CD226: variants seen among roughly 807,000 people sequenced by gnomAD.
The protein encoded by CD226 is CD226 molecule.
Under a neutral mutation model 34.9 loss-of-function variants are expected in CD226, and 24 were observed. That is an observed-to-expected ratio of 0.69 (90% CI 0.50 to 0.97). CD226 has a LOEUF of 0.97. CD226 is among the 50% of genes least tolerant of loss of function. The probability of loss-of-function intolerance (pLI) is 0.00; values close to 1 mark genes in which losing one functional copy is unlikely to be tolerated. For missense variants in CD226, 397 were observed against 412.7 expected, an observed-to-expected ratio of 0.96 and a Z score of 0.33; for synonymous variants, 148 against 147.4, an observed-to-expected ratio of 1.00 and a Z score of -0.03.
At chr18:69,946,707 T>TAA (rs2055796987) in intron 2 of CD226, 27 bp downstream of exon 2, 2 of 1,466,370 alleles carry the variant, frequency 1.4e-6, no homozygotes, top group African/African-American at 1.5e-5. Context: ...AAAAAGGGAT[T>TAA]TAAAAAAAAA....
intron 2 of CD226, among the ~76,000 whole-genome samples, chr18:69,904,674 C>T (rs1312577543): frequency 6.6e-6 from 1 of 152,218 alleles, no homozygotes; most frequent in East Asian, 1.9e-4. Context: ...TCTGCAGTTT[C>T]TCTCAACCAG....
Position 69,947,184 on chromosome 18 carries a change from T to A in CD226, c.47-115A>T. The A allele has an allele frequency of 8.0e-6, 8 of 1,000,300 alleles. No individual in the cohort carries two copies. In the South Asian group the frequency reaches 9.7e-5, roughly 12 times the overall value. The allele number at this position is 1,000,300 out of a possible 1,614,324, so 62.0% of individuals were successfully genotyped here. A position where few individuals can be genotyped will look rare whatever the true frequency, so the allele number is the denominator to read the frequency against. On this transcript the variant is annotated intron_variant, in intron 1 of 5. Coordinates refer to ENST00000582621, the MANE Select transcript of CD226 (RefSeq NM_001303618.2). ...GATCACAGTAAAGGCTGACAGTTTC[T>A]GCCTTTGTCTAAAAAGGCGTCCTGC...
chr18:69,938,603 GT>G (rs2055684250), intron 2 of CD226, among the ~76,000 whole-genome samples: 1 of 152,148 alleles, frequency 6.6e-6, no homozygotes, highest in Non-Finnish European at 1.5e-5. Context: ...AGCCAAGTTG[GT>G]CTCTTAATTT....
chr18:69,887,055 T>A (rs911933206), intron 3 of CD226, among the ~76,000 whole-genome samples: 1 of 152,124 alleles, frequency 6.6e-6, no homozygotes, highest in Non-Finnish European at 1.5e-5. Flanking sequence ...AGCCAATAAT[T>A]TAAAAATGAA....
At chr18:69,893,641 G>A (rs1217627329) in intron 3 of CD226, among the ~76,000 whole-genome samples, 2 of 152,092 alleles carry the variant, frequency 1.3e-5, no homozygotes, top group Non-Finnish European at 2.9e-5. Flanking sequence ...GGATTTTTAG[G>A]TAAGAAGTTC....
At chr18:69,898,579 G>A (rs778761264) in intron 2 of CD226, among the ~76,000 whole-genome samples, 3 of 152,272 alleles carry the variant, frequency 2.0e-5, no homozygotes, top group East Asian at 3.9e-4. Context: ...ACCTAGACCC[G>A]CCTCTCAATA....
At chr18:69,923,213 G>A (rs1330875951) in intron 2 of CD226, among the ~76,000 whole-genome samples, 2 of 149,250 alleles carry the variant, frequency 1.3e-5, no homozygotes, top group Non-Finnish European at 3.0e-5. Context: ...GAAGGAAAGG[G>A]AGAAAGAAAG....
chr18:69,882,171 G>A (rs896321210), intron 3 of CD226, among the ~76,000 whole-genome samples: 7 of 152,170 alleles, frequency 4.6e-5, no homozygotes, highest in Non-Finnish European at 8.8e-5. Flanking sequence ...ACCAGTGAGG[G>A]AAGCAAGCTT....
At chr18:69,928,715 C>A (rs891975106) in intron 2 of CD226, among the ~76,000 whole-genome samples, 1 of 152,126 alleles carries the variant, frequency 6.6e-6, no homozygotes, top group Non-Finnish European at 1.5e-5. Flanking sequence ...ATGAGCATTT[C>A]CTTTGAGCAT....
At chr18:69,894,224 A>G (rs1985070697) in intron 3 of CD226, among the ~76,000 whole-genome samples, 1 of 149,386 alleles carries the variant, frequency 6.7e-6, no homozygotes, top group Non-Finnish European at 1.5e-5. Context: ...CTGTAAATAA[A>G]AAAAAAATCA....
Position 69,856,128 on chromosome 18 carries a change from GTTAA to G in CD226, c.*8182_*8185del, listed in dbSNP as rs1313794453. 5.3e-5 allele frequency: 8 copies of G among 152,130 alleles called. No individual in the cohort carries two copies. In the East Asian group the frequency reaches 1.5e-3, roughly 29 times the overall value. 9.4% of individuals were successfully genotyped at this position (152,130 alleles called of 1,614,324 possible). The stretch of plus-strand genomic sequence containing the variant: ...AAGGATAAAGATGTGAGATGCTAAT[GTTAA>G]TTTTTTAAAAAACTGAAAGTTATGT... On this transcript the variant is annotated 3_prime_UTR_variant, in exon 6 of 6. Transcript: ENST00000582621.
chr18:69,923,692 GC>G (rs1391427109), intron 2 of CD226, among the ~76,000 whole-genome samples: 1 of 152,118 alleles, frequency 6.6e-6, no homozygotes, highest in Non-Finnish European at 1.5e-5. Context: ...GGTGGCTCAC[GC>G]CTGTAATCCC....
intron 2 of CD226, among the ~76,000 whole-genome samples, chr18:69,934,322 C>T (rs2055626076): frequency 6.9e-6 from 1 of 144,138 alleles, no homozygotes; most frequent in South Asian, 2.1e-4. Context: ...GCACGCACAC[C>T]CCTTCACTAA....
chr18:69,909,224 C>G (rs1346586167), intron 2 of CD226, among the ~76,000 whole-genome samples: 1 of 152,158 alleles, frequency 6.6e-6, no homozygotes, highest in Non-Finnish European at 1.5e-5. Flanking sequence ...GGGGGGACTA[C>G]ATGGATGAGA....
In CD226 at chr18:69,896,043, T is replaced by C; in HGVS notation, c.385A>G (p.Ser129Gly). ...QKVIQVVQSD[S>G]FEAAVPSNSH... ...TTTGATGGCACAGCTGCCTCAAAAC[T>C]ATCTGAAAAGAAGAAGCAAATGATT... Residue 129 changes from serine to glycine, a missense_variant and splice_region_variant, in exon 3 of 6, where the codon AGT becomes GGT. Transcript: ENST00000582621. The C allele has an allele frequency of 6.2e-7, 1 of 1,603,054 alleles. No individual in the cohort carries two copies.
intron 2 of CD226, among the ~76,000 whole-genome samples, chr18:69,915,811 C>T (rs1326554594): frequency 1.3e-5 from 2 of 152,120 alleles, no homozygotes; most frequent in Non-Finnish European, 2.9e-5. Flanking sequence ...TTCATAATGG[C>T]TTCCTAACTC....
At chr18:69,880,028 C>G (rs887959843) in intron 3 of CD226, among the ~76,000 whole-genome samples, 12 of 152,184 alleles carry the variant, frequency 7.9e-5, no homozygotes, top group African/African-American at 2.7e-4. Flanking sequence ...ACTATCTGGA[C>G]AGTCGAACAT....
intron 2 of CD226, among the ~76,000 whole-genome samples, chr18:69,913,605 T>C (rs1003997759): frequency 6.6e-6 from 1 of 152,226 alleles, no homozygotes; most frequent in African/African-American, 2.4e-5. Flanking sequence ...TATGCCATAC[T>C]CTTAGAGTAA....
At chr18:69,914,391 C>T (rs4891788) in intron 2 of CD226, among the ~76,000 whole-genome samples, 7 of 152,156 alleles carry the variant, frequency 4.6e-5, no homozygotes, top group African/African-American at 1.2e-4. Context: ...ATCAATTATT[C>T]CATTGAGTTC....
Sources: allele counts gnomAD v4.1 joint callset (sites outside exome capture counted in the v4.1 genomes callset), GRCh38; gene constraint gnomAD v4.1.1; transcripts MANE v1.5; gene names NCBI Gene and HGNC (gene_info 2026-07-23, HGNC 2026-07-21).